Variants in CFAP70 observed in about 807,000 individuals in gnomAD.
CFAP70 encodes the protein cilia- and flagella-associated protein 70.
A neutral mutation model predicts 137.6 loss-of-function variants in CFAP70; 81 were observed. The ratio of observed to expected loss-of-function variants is 0.59; its 90% CI spans 0.49 to 0.71. CFAP70 has a LOEUF of 0.71. CFAP70 is among the 30% of genes least tolerant of loss of function. The pLI, the probability that CFAP70 is intolerant of heterozygous loss-of-function variation, is 0.00. For missense variants in CFAP70, 976 were observed against 1,226.7 expected (o/e 0.80, Z 3.05); for synonymous variants, 382 against 423.6 (o/e 0.90, Z 1.20).
intron 9 of CFAP70, among the ~76,000 whole-genome samples, chr10:73,316,493 T>TAG (rs1554903369): frequency 7.0e-5 from 9 of 128,764 alleles, no homozygotes; most frequent in African/African-American, 2.2e-4. Context: ...TATAGATATA[T>TAG]ATATATATAT....
chr10:73,269,951 A>G (rs2046109172), intron 24 of CFAP70, among the ~76,000 whole-genome samples: 1 of 152,188 alleles, frequency 6.6e-6, no homozygotes, highest in African/African-American at 2.4e-5. Context: ...GTAAGCTCTT[A>G]ACTTATACCC....
intron 23 of CFAP70, among the ~76,000 whole-genome samples, chr10:73,274,153 T>C (rs1272102235): frequency 6.6e-6 from 1 of 152,236 alleles, no homozygotes. Context: ...ATGTTTCTAC[T>C]ACTGTGAATA....
At chr10:73,346,219 T>C (rs2053691670) in intron 4 of CFAP70, among the ~76,000 whole-genome samples, 1 of 152,120 alleles carries the variant, frequency 6.6e-6, no homozygotes, top group Non-Finnish European at 1.5e-5. Flanking sequence ...TTAAATGTAA[T>C]GCTTTGTAAT....
At chr10:73,307,095 T>C (rs1374749999) in intron 12 of CFAP70, among the ~76,000 whole-genome samples, 1 of 152,096 alleles carries the variant, frequency 6.6e-6, no homozygotes, top group Non-Finnish European at 1.5e-5. Flanking sequence ...GATGGAGATG[T>C]ATAGGAGCAG....
At chr10:73,287,247 C>T (rs1347477978) in intron 19 of CFAP70, among the ~76,000 whole-genome samples, 1 of 152,178 alleles carries the variant, frequency 6.6e-6, no homozygotes, top group Non-Finnish European at 1.5e-5. Flanking sequence ...GCCTATTGCT[C>T]CTACACTACA....
chr10:73,268,990 C>T (rs1187172021), intron 25 of CFAP70, among the ~76,000 whole-genome samples: 1 of 152,028 alleles, frequency 6.6e-6, no homozygotes. Context: ...CCCAGCCAGA[C>T]CTCAGGTATT....
At chr10:73,291,196 C>T in intron 19 of CFAP70, 30 bp downstream of exon 20, 4 of 1,604,444 alleles carry the variant, frequency 2.5e-6, no homozygotes, top group Non-Finnish European at 3.4e-6. Flanking sequence ...TTTCTAATAG[C>T]CACTCTTCAC....
At chr10:73,287,085 G>T (rs12262466) in intron 19 of CFAP70, among the ~76,000 whole-genome samples, 16,077 of 152,254 alleles carry the variant, frequency 0.11, 1,223 homozygotes, top group East Asian at 0.3. Flanking sequence ...TGCAGAGATT[G>T]TGTTTATGGC....
At chr10:73,329,971 T>C (rs994422326) in intron 8 of CFAP70, among the ~76,000 whole-genome samples, 2 of 152,206 alleles carry the variant, frequency 1.3e-5, no homozygotes, top group South Asian at 2.1e-4. Context: ...TAAACTTTCA[T>C]TGCAAAGATG....
At chr10:73,348,750 C>G (rs1356830968) in intron 3 of CFAP70, among the ~76,000 whole-genome samples, 1 of 152,164 alleles carries the variant, frequency 6.6e-6, no homozygotes, top group Non-Finnish European at 1.5e-5. Flanking sequence ...AGATCATCAT[C>G]ATGTACATGC....
At chr10:73,313,255 C>T (rs2050072114) in intron 9 of CFAP70, among the ~76,000 whole-genome samples, 1 of 151,732 alleles carries the variant, frequency 6.6e-6, no homozygotes, top group Non-Finnish European at 1.5e-5. Context: ...GCCTGTAGTG[C>T]CAGCTACTCG....
intron 19 of CFAP70, among the ~76,000 whole-genome samples, chr10:73,289,222 A>C (rs1341181873): frequency 6.6e-6 from 1 of 152,222 alleles, no homozygotes; most frequent in East Asian, 1.9e-4. Flanking sequence ...CAACATTTCA[A>C]ACTCAAAAAA....
At chr10:73,310,105 T>G in intron 12 of CFAP70, 53 bp downstream of exon 13, 3 of 1,204,642 alleles carry the variant, frequency 2.5e-6, no homozygotes, top group Non-Finnish European at 3.6e-6. Flanking sequence ...TCTGACTTCC[T>G]CTTATTTATA....
rs774264080 is a variant in CFAP70 at position 73,253,937 on chromosome 10, CAG to C, written c.*36_*37del. The stretch of plus-strand genomic sequence containing the variant: ...AAACTCTCTGGGAAGGAAAGGAACT[CAG>C]AGTCCCATGCAGAAAATTGTTCAGC... On this transcript the variant is annotated 3_prime_UTR_variant, in exon 27 of 27. Coordinates refer to ENST00000310715, the Ensembl canonical transcript of CFAP70. 2.0e-6 allele frequency: 3 copies of C among 1,524,200 alleles called. No individual in the cohort carries two copies. In the South Asian group the frequency reaches 3.7e-5, roughly 19 times the overall value. The allele number at this position is 1,524,200 out of a possible 1,614,324, so 94.4% of individuals were successfully genotyped here. A position where few individuals can be genotyped will look rare whatever the true frequency, so the allele number is the denominator to read the frequency against.
chr10:73,337,114 G>A (rs1422756100), intron 6 of CFAP70, among the ~76,000 whole-genome samples: 1 of 152,122 alleles, frequency 6.6e-6, no homozygotes, highest in African/African-American at 2.4e-5. Context: ...TAAAAATGAT[G>A]GGGAACGAAT....
intron 16 of CFAP70, among the ~76,000 whole-genome samples, chr10:73,292,466 T>A (rs1564795958): frequency 6.6e-6 from 1 of 152,122 alleles, no homozygotes; most frequent in Non-Finnish European, 1.5e-5. Flanking sequence ...GGAAAGACAT[T>A]TCATGTTCAT....
chr10:73,361,005 T>C (rs958726328), upstream of CFAP70, among the ~76,000 whole-genome samples: 5 of 151,874 alleles, frequency 3.3e-5, no homozygotes, highest in East Asian at 7.7e-4. Context: ...AATTTTCTTT[T>C]TTTTTTTTTT....
chr10:73,343,951 C>G (rs2053492749), intron 5 of CFAP70, among the ~76,000 whole-genome samples: 1 of 150,610 alleles, frequency 6.6e-6, no homozygotes, highest in Admixed American at 6.6e-5. Context: ...TTATTTTTCT[C>G]TACATATGAA....
chr10:73,288,766 C>A (rs2047938540), intron 19 of CFAP70, among the ~76,000 whole-genome samples: 1 of 152,196 alleles, frequency 6.6e-6, no homozygotes, highest in Non-Finnish European at 1.5e-5. Flanking sequence ...GACTATAGAA[C>A]TTGGAAGTAT....
Sources: gnomAD v4.1 joint callset for allele counts (sites outside exome capture counted in the v4.1 genomes callset) on GRCh38, gnomAD v4.1.1 for gene constraint, MANE v1.5 for transcripts, NCBI Gene and HGNC (gene_info 2026-07-23, HGNC 2026-07-21) for gene names.